KLK10: variants seen among roughly 807,000 people sequenced by gnomAD.
KLK10 encodes the protein kallikrein related peptidase 10.
Under a neutral mutation model 25.7 loss-of-function variants are expected in KLK10, and 27 were observed. That is an observed-to-expected ratio of 1.05 (90% CI 0.77 to 1.45). The LOEUF (loss-of-function observed/expected upper bound fraction) is 1.45. KLK10 is among the 40% of genes most tolerant of loss of function. KLK10 has a pLI of 0.00. For synonymous variants in KLK10, 173 were observed against 160.1 expected (o/e 1.08, Z -0.61); for missense variants, 386 against 370.0 (o/e 1.04, Z -0.35).
At chr19:51,018,131 C>T (rs1476397664) in intron 2 of KLK10, among the ~76,000 whole-genome samples, 1 of 102,180 alleles carries the variant, frequency 9.8e-6, no homozygotes, top group Non-Finnish European at 1.8e-5. Context: ...GGCCACTGTA[C>T]TCCAGCCACG....
Position 51,019,222 on chromosome 19 carries a change from G to T in KLK10, c.-9-83C>A. 1.1e-6 allele frequency: 1 copy of T among 943,342 alleles called. No homozygotes were observed. The highest frequency in any genetic ancestry group is 1.6e-6 in the Non-Finnish European group (1 of 634,384). 58.4% of individuals were successfully genotyped at this position (943,342 alleles called of 1,614,324 possible). A position where few individuals can be genotyped will look rare whatever the true frequency, so the allele number is the denominator to read the frequency against. On this transcript the variant is annotated intron_variant, in intron 1 of 5. Transcript: ENST00000358789. This position sits in a 1 kb window ranked among gnomAD's most constrained non-coding sequence, Gnocchi z 4.2. Reference sequence around the variant, plus strand: ...TCGCCGCGCTCATCCGCCCAGCCTGGGCCACCCCAGCCCGCAAGCACCCTT... The same window carrying T: ...TCGCCGCGCTCATCCGCCCAGCCTGTGCCACCCCAGCCCGCAAGCACCCTT...
chr19:51,017,368 G>C (rs2091344180), intron 2 of KLK10, 78 bp from the exon 3 acceptor site: 1 of 1,358,216 alleles, frequency 7.4e-7, no homozygotes, highest in Non-Finnish European at 9.8e-7. Context: ...CTGTGGCACT[G>C]GACTGCGTTC....
In KLK10 at chr19:51,014,899, C is replaced by A; in HGVS notation, c.732G>T (p.Ser244=). 2 of 1,613,962 alleles carry A rather than the reference C, an allele frequency of 1.2e-6. No homozygotes were observed. The highest frequency in any genetic ancestry group is 1.7e-6 in the Non-Finnish European group (2 of 1,179,936). The change falls in exon 6 of 6, where the codon TCG becomes TCT. Residue 244 remains serine, a synonymous_variant. Coordinates refer to ENST00000358789, the MANE Select transcript of KLK10 (RefSeq NM_145888.3). ...VCDETLQGIL[S]WGVYPCGSAQ... ...CAGAGCCACAGGGGTAAACACCCCA[C>A]GAGAGGATGCCTTGGAGGGTCTCGT... is the stretch of plus-strand genomic sequence containing the variant.
intron 2 of KLK10, among the ~76,000 whole-genome samples, chr19:51,018,086 G>A (rs1395174559): frequency 5.1e-4 from 67 of 130,718 alleles, no homozygotes; most frequent in Non-Finnish European, 8.4e-4. Context: ...TATCGCTTGA[G>A]CCCAGGAGGT....
chr19:51,018,565 T>G (rs62115757), intron 2 of KLK10: 31,728 of 157,376 alleles, frequency 0.2, 3,348 homozygotes, highest in Non-Finnish European at 0.23. Flanking sequence ...CTAGCCGGGC[T>G]TGGTGGCGGG....
At chr19:51,018,898 G>C (rs1185904573) in intron 2 of KLK10, 145 bp downstream of exon 2, 1 of 655,374 alleles carries the variant, frequency 1.5e-6, no homozygotes, top group South Asian at 1.8e-5. Flanking sequence ...CAGCTGACTT[G>C]GGGGCGGGCC....
intron 5 of KLK10, 152 bp from the exon 6 acceptor site, chr19:51,015,104 GA>G (rs1174495901): frequency 4.3e-6 from 3 of 692,850 alleles, no homozygotes; most frequent in African/African-American, 1.8e-5. Flanking sequence ...TGGAAGGTAG[GA>G]ATGGAGGTGG....
Position 51,017,309 on chromosome 19 carries a change from C to A in KLK10, c.89-19G>T. On this transcript the variant is annotated intron_variant, in intron 2 of 5. Coordinates refer to ENST00000358789, the MANE Select transcript of KLK10 (RefSeq NM_145888.3). The stretch of plus-strand genomic sequence containing the variant: ...TCTGCGGCTGGAGAAAGAAAGGGGA[C>A]GGAATCAAAGCACGGAGGGCAGGGT... 1 of 1,586,654 alleles carries A rather than the reference C, an allele frequency of 6.3e-7. No homozygotes were observed. The highest frequency in any genetic ancestry group is 8.6e-7 in the Non-Finnish European group (1 of 1,168,722).
rs749139967 is a variant in KLK10 at position 51,019,109 on chromosome 19, G to C, written c.22C>G (p.Leu8Val). The change falls in exon 2 of 6, where the codon CTC becomes GTC. Residue 8 changes from leucine to valine, a missense_variant. Leu to Val is a conservative substitution (Grantham distance 32). Coordinates refer to ENST00000358789, the MANE Select transcript of KLK10 (RefSeq NM_145888.3). This position sits in a 1 kb window ranked among gnomAD's most constrained non-coding sequence, Gnocchi z 4.2. Reference protein sequence around the residue: MRAPHLHLSAASGARALA... With the variant: MRAPHLHVSAASGARALA... ...GCCCGGGCGCCAGAGGCGGCGGAGAGGTGGAGGTGCGGAGCTCTCATGGCC... is the reference window on the plus strand; with the variant it reads ...GCCCGGGCGCCAGAGGCGGCGGAGACGTGGAGGTGCGGAGCTCTCATGGCC... 5 of 1,609,620 alleles carry C rather than the reference G, an allele frequency of 3.1e-6. No individual in the cohort carries two copies. Among genetic ancestry groups the C allele is most frequent in the Non-Finnish European group, 3.4e-6 (4 of 1,179,440 alleles).
Position 51,014,861 on chromosome 19 carries a change from G to T in KLK10, c.770C>A (p.Ala257Asp). Residue 257 changes from alanine (A) to aspartate (D), a missense_variant, in exon 6 of 6, where the codon GCT (alanine) becomes GAT (aspartate). By Grantham distance (126) the Ala-to-Asp change is moderately radical. Transcript: ENST00000358789. ...GTATTTGCAGATCTGGGTGTAGACAGCTGGATGCTGGGCAGAGCCACAGGG... is the reference window on the plus strand; with the variant it reads ...GTATTTGCAGATCTGGGTGTAGACATCTGGATGCTGGGCAGAGCCACAGGG... ...VYPCGSAQHP[A>D]VYTQICKYMS... 1 of 1,614,052 alleles carries T rather than the reference G, an allele frequency of 6.2e-7. No homozygotes were observed. Among genetic ancestry groups the T allele is most frequent in the Non-Finnish European group, 8.5e-7 (1 of 1,179,926 alleles).
intron 5 of KLK10, 23 bp downstream of exon 5, chr19:51,015,394 G>T: frequency 6.2e-7 from 1 of 1,606,208 alleles, no homozygotes; most frequent in South Asian, 1.1e-5. Flanking sequence ...AGGAGTCAGA[G>T]ACTCTCCCTG....
Position 51,015,434 on chromosome 19 carries a change from C to T in KLK10, c.661G>A (p.Gly221Ser), listed in dbSNP as rs765078671. The stretch of plus-strand genomic sequence containing the variant: ...GACCCTACCTGGCAAGGGTCCTGGC[C>T]CCGGTCCAGTCCAGCACATATCATG... ...NNMICAGLDR[G>S]QDPCQSDSGG... The change falls in exon 5 of 6, where the codon GGC (glycine) becomes AGC (serine). Residue 221 changes from glycine to serine, a missense_variant. Coordinates refer to ENST00000358789, the MANE Select transcript of KLK10 (RefSeq NM_145888.3). 1.2e-6 allele frequency: 2 copies of T among 1,613,732 alleles called. No individual in the cohort carries two copies. The highest frequency in any genetic ancestry group is 2.7e-5 in the African/African-American group (2 of 74,934).
Position 51,014,710 on chromosome 19 carries a change from C to T in KLK10, c.*90G>A. 2 of 1,394,254 alleles carry T rather than the reference C, an allele frequency of 1.4e-6. No individual in the cohort carries two copies. The highest frequency in any genetic ancestry group is 2.5e-5 in the South Asian group (2 of 78,474). 86.4% of individuals were successfully genotyped at this position (1,394,254 alleles called of 1,614,324 possible). On this transcript the variant is annotated 3_prime_UTR_variant, in exon 6 of 6. Coordinates refer to ENST00000358789, the MANE Select transcript of KLK10 (RefSeq NM_145888.3). ...GCAGACAAGGGGAGAGTTCAGCCGA[C>T]TGGGGAGGAAGAGGATGGACGATGG...
At position 51,016,140 on chromosome 19, in the gene KLK10, C is replaced by A; in HGVS notation, c.286G>T (p.Val96Leu). ...AGAAGCAGCAGGTGGTCATCCCCTA[C>A]TCGAGCCCACAGTGGCCTGGGGGAA... ...HCGNKPLWAR[V>L]GDDHLLLLQG... The change falls in exon 4 of 6, where the codon GTA (valine) becomes TTA (leucine). Residue 96 changes from valine (V) to leucine (L), a missense_variant. Coordinates refer to ENST00000358789, the MANE Select transcript of KLK10 (RefSeq NM_145888.3). The A allele has an allele frequency of 6.3e-7, 1 of 1,585,236 alleles. No individual in the cohort carries two copies. Among genetic ancestry groups the A allele is most frequent in the Non-Finnish European group, 8.6e-7 (1 of 1,165,832 alleles).
intron 3 of KLK10, among the ~76,000 whole-genome samples, chr19:51,016,563 T>C (rs77448318): frequency 1.4e-5 from 1 of 73,014 alleles, no homozygotes; most frequent in African/African-American, 5.4e-5. Flanking sequence ...ACACCCAGCC[T>C]TTTTTTTTTT....
chr19:51,015,768 C>T (rs2091318082), intron 4 of KLK10, 114 bp downstream of exon 4: 1 of 1,209,448 alleles, frequency 8.3e-7, no homozygotes, highest in Admixed American at 2.8e-5. Context: ...GACCCCAGCC[C>T]GTCCTCCCTC....
chr19:51,018,191 G>GAAAAAAAAAAAAA (rs2091358485), intron 2 of KLK10, among the ~76,000 whole-genome samples: 1 of 74,570 alleles, frequency 1.3e-5, no homozygotes, highest in Non-Finnish European at 2.7e-5. Context: ...AAAAAAGAAG[G>GAAAAAAAAAAAAA]AAAGAAAAAG....
intron 2 of KLK10, chr19:51,018,779 G>C (rs1256256222): frequency 1.8e-6 from 1 of 546,166 alleles, no homozygotes; most frequent in African/African-American, 1.9e-5. Context: ...GTAAGAGGAG[G>C]AGAAAGAACG....
chr19:51,016,068 T>C lies in KLK10; in HGVS notation c.358A>G (p.Lys120Glu). 1.3e-6 allele frequency: 2 copies of C among 1,572,078 alleles called. No individual in the cohort carries two copies. The highest frequency in any genetic ancestry group is 8.6e-7 in the Non-Finnish European group (1 of 1,158,644). ...ATGGGGCCTGAGCCCTGGTGGTACT[T>C]GGGATGGACAACAGAGCGAGTGGTC... The part of the protein sequence containing the change: ...RRTTRSVVHP[K>E]YHQGSGPILP... Residue 120 changes from lysine to glutamate, a missense_variant, in exon 4 of 6, where the codon AAG (lysine) becomes GAG (glutamate). By Grantham distance (56) the Lys-to-Glu change is moderately conservative. Coordinates refer to ENST00000358789, the MANE Select transcript of KLK10 (RefSeq NM_145888.3).
Sources: allele counts gnomAD v4.1 joint callset (sites outside exome capture counted in the v4.1 genomes callset), GRCh38; gene constraint gnomAD v4.1.1; non-coding constraint Gnocchi (gnomAD v3.1); transcripts MANE v1.5; gene names NCBI Gene and HGNC (gene_info 2026-07-23, HGNC 2026-07-21).